The following COMT variants were observed in gnomAD, a reference collection of about 807,000 sequenced individuals.
COMT encodes the protein catechol O-methyltransferase.
In COMT, 13 loss-of-function variants were observed where a neutral mutation model predicts 18.9. The observed-to-expected ratio is 0.69, with a 90% CI of 0.45 to 1.09. The LOEUF (loss-of-function observed/expected upper bound fraction) is 1.09. COMT is among the 50% of genes least tolerant of loss of function. COMT has a pLI of 0.00. For synonymous variants in COMT, 150 were observed against 160.9 expected, an observed-to-expected ratio of 0.93 and a Z score of 0.51; for missense variants, 329 against 361.8, an observed-to-expected ratio of 0.91 and a Z score of 0.73.
intron 1 of COMT, among the ~76,000 whole-genome samples, chr22:19,956,137 C>CTTT (rs71186638): frequency 1.3e-3 from 114 of 84,800 alleles, no homozygotes; most frequent in Admixed American, 1.6e-3. Flanking sequence ...TTCTTTTTTT[C>CTTT]TTTTTTTTTT....
chr22:19,968,493 C>G (rs1310735059), intron 5 of COMT, 43 bp from the exon 6 acceptor site: 1 of 1,585,934 alleles, frequency 6.3e-7, no homozygotes, highest in African/African-American at 1.3e-5. Context: ...GTTCTCTGGG[C>G]ACCTCTGACC....
intron 5 of COMT, chr22:19,967,844 T>C (rs2146194032): frequency 4.8e-6 from 1 of 207,658 alleles, no homozygotes; most frequent in Non-Finnish European, 9.9e-6. Context: ...AACCCTTTTC[T>C]GATAGCATAG....
intron 5 of COMT, chr22:19,964,598 C>G: frequency 1.6e-6 from 1 of 607,178 alleles, no homozygotes; most frequent in South Asian, 2.0e-5. Context: ...GACCAGACAC[C>G]AGGGCAGAAA....
At chr22:19,960,409 A>T (rs1942167560) in intron 1 of COMT, among the ~76,000 whole-genome samples, 1 of 152,206 alleles carries the variant, frequency 6.6e-6, no homozygotes, top group Non-Finnish European at 1.5e-5. Flanking sequence ...AGCAAGGTGG[A>T]AAGTTCTGGC....
At chr22:19,962,959 T>A in intron 3 of COMT, 144 bp downstream of exon 3, 12 of 1,073,558 alleles carry the variant, frequency 1.1e-5, no homozygotes, top group Non-Finnish European at 1.6e-5. Flanking sequence ...GGGGGGCTCC[T>A]CTGGAGTCCC....
intron 1 of COMT, among the ~76,000 whole-genome samples, chr22:19,956,056 G>A (rs1288817601): frequency 6.6e-6 from 1 of 150,654 alleles, no homozygotes; most frequent in African/African-American, 2.4e-5. Flanking sequence ...ATAGCAGAAT[G>A]AAAAACTGAT....
At chr22:19,961,485 C>CT (rs1396875717) in intron 2 of COMT, among the ~76,000 whole-genome samples, 196 bp downstream of exon 2, 1 of 152,230 alleles carries the variant, frequency 6.6e-6, no homozygotes, top group African/African-American at 2.4e-5. Flanking sequence ...CTCTTCTGCT[C>CT]TGTCCTCTGG....
intron 1 of COMT, among the ~76,000 whole-genome samples, chr22:19,947,319 G>A (rs1389273943): frequency 2.0e-5 from 3 of 152,248 alleles, no homozygotes; most frequent in Non-Finnish European, 2.9e-5. Context: ...ATGAGAGATC[G>A]TAGAAATAAA....
In COMT at chr22:19,963,409, C is replaced by G. The variant is rs1410828187; in HGVS notation, c.290-157C>G. 3 of 822,626 alleles carry G rather than the reference C, an allele frequency of 3.6e-6. No homozygotes were observed. The African/African-American group carries it at 5.1e-5, about 14-fold the overall frequency. The allele number at this position is 822,626 out of a possible 1,614,324, so 51.0% of individuals were successfully genotyped here. A position where few individuals can be genotyped will look rare whatever the true frequency, so the allele number is the denominator to read the frequency against. ...GGGGACACCAGGGAGGTGAAATACC[C>G]CTCCAGCGGGTAGGGAGGGTGGGCA... On this transcript the variant is annotated intron_variant, in intron 3 of 5. Coordinates refer to ENST00000361682, the MANE Select transcript of COMT (RefSeq NM_000754.4).
chr22:19,963,944 T>A (rs910454249), intron 4 of COMT, 185 bp downstream of exon 4: 5 of 1,146,622 alleles, frequency 4.4e-6, no homozygotes, highest in Non-Finnish European at 6.3e-6. Flanking sequence ...TCAGTGAGGG[T>A]CTCACAGCTC....
chr22:19,945,030 A>G (rs1473708523), intron 1 of COMT, among the ~76,000 whole-genome samples: 1 of 152,228 alleles, frequency 6.6e-6, no homozygotes, highest in African/African-American at 2.4e-5. Flanking sequence ...GATTATTTAC[A>G]TAAATGCAGC....
intron 5 of COMT, 63 bp downstream of exon 5, chr22:19,964,362 A>G (rs568198742): frequency 1.2e-6 from 2 of 1,611,464 alleles, no homozygotes; most frequent in East Asian, 2.2e-5. Flanking sequence ...AGTCAGCCTC[A>G]GCCTCTCCAA....
intron 2 of COMT, chr22:19,961,640 C>T (rs1174984410): frequency 1.3e-5 from 2 of 152,224 alleles, no homozygotes; most frequent in African/African-American, 4.8e-5. Flanking sequence ...CCCAGAAAGA[C>T]CTCTGAGTGA....
intron 3 of COMT, among the ~76,000 whole-genome samples, chr22:19,963,098 C>A (rs1158851289): frequency 6.6e-6 from 1 of 152,144 alleles, no homozygotes; most frequent in Non-Finnish European, 1.5e-5. Flanking sequence ...CACCATGGGA[C>A]CTGCCTGGGG....
In COMT at chr22:19,963,576, G is replaced by A. The variant is rs754664014; in HGVS notation, c.300G>A (p.Val100=). Residue 100 remains valine (V), a synonymous_variant, in exon 4 of 6, where the codon GTG becomes GTA. Transcript: ENST00000361682. ...CCCAACCCTGCACAGGCAAGATCGT[G>A]GACGCCGTGATTCAGGAGCACCAGC... ...MNVGDKKGKI[V]DAVIQEHQPS... 6.2e-7 allele frequency: 1 copy of A among 1,612,358 alleles called. No individual in the cohort carries two copies. The highest frequency in any genetic ancestry group is 8.5e-7 in the Non-Finnish European group (1 of 1,179,994).
chr22:19,948,744 C>CAGGA (rs1269066199), intron 1 of COMT, among the ~76,000 whole-genome samples: 1 of 152,074 alleles, frequency 6.6e-6, no homozygotes, highest in Non-Finnish European at 1.5e-5. Flanking sequence ...CACCTGAGAT[C>CAGGA]AGGAGTTCAA....
At chr22:19,961,663 TAGA>T (rs1942194528) in intron 2 of COMT, 1 of 152,260 alleles carries the variant, frequency 6.6e-6, no homozygotes, top group Non-Finnish European at 1.5e-5. Context: ...ACAGGGGCCC[TAGA>T]AGAAGTTTCC....
intron 3 of COMT, 177 bp downstream of exon 3, chr22:19,962,992 C>T (rs552664785): frequency 8.5e-6 from 6 of 705,504 alleles, no homozygotes; most frequent in Non-Finnish European, 1.4e-5. Context: ...TCCCTGATGA[C>T]CCCTGCAGGC....
chr22:19,964,289 T>C lies in COMT; in HGVS notation c.605T>C (p.Leu202Pro), dbSNP rs568878213. 1.2e-6 allele frequency: 2 copies of C among 1,614,028 alleles called. No homozygotes were observed. Among genetic ancestry groups the C allele is most frequent in the African/African-American group, 1.3e-5 (1 of 75,062 alleles). ...HWKDRYLPDT[L>P]LLEECGLLRK... Reference sequence around the variant, plus strand: ...AAGGACCGGTACCTGCCGGACACGCTTCTCTTGGAGGTGAGCCCCAACCAG... The same window carrying C: ...AAGGACCGGTACCTGCCGGACACGCCTCTCTTGGAGGTGAGCCCCAACCAG... The change falls in exon 5 of 6, where the codon CTT (leucine) becomes CCT (proline). Residue 202 changes from leucine (L) to proline (P), a missense_variant. Transcript: ENST00000361682.
Sources: allele counts gnomAD v4.1 joint callset (sites outside exome capture counted in the v4.1 genomes callset), GRCh38; gene constraint gnomAD v4.1.1; transcripts MANE v1.5; gene names NCBI Gene and HGNC (gene_info 2026-07-23, HGNC 2026-07-21).